ZNF655: variants seen among roughly 807,000 people sequenced by gnomAD.
ZNF655 encodes Vav-interacting Kruppel-like protein 1.
A neutral mutation model predicts 6.6 loss-of-function variants in ZNF655; 3 were observed. The ratio of observed to expected loss-of-function variants is 0.46; its 90% CI spans 0.21 to 1.18. The LOEUF is 1.18. Among genes scored for constraint, ZNF655 ranks in the 50% most tolerant of loss-of-function variants. ZNF655 has a pLI of 0.24. For missense variants in ZNF655, 526 were observed against 572.3 expected, an observed-to-expected ratio of 0.92 and a Z score of 0.83; for synonymous variants, 178 against 195.0, an observed-to-expected ratio of 0.91 and a Z score of 0.73.
chr7:99,569,113 G>A (rs778329186), intron 2 of ZNF655, among the ~76,000 whole-genome samples: 4 of 151,966 alleles, frequency 2.6e-5, no homozygotes, highest in East Asian at 3.9e-4. Context: ...ACACTTCTGC[G>A]ACTCCAATTA....
intron 2 of ZNF655, among the ~76,000 whole-genome samples, chr7:99,566,674 C>A (rs905479267): frequency 6.6e-5 from 10 of 152,200 alleles, no homozygotes; most frequent in Non-Finnish European, 1.2e-4. Flanking sequence ...GATCCTCCTA[C>A]CTCAGCCTTC....
At chr7:99,571,583 TC>T in intron 2 of ZNF655, 1 of 1,045,126 alleles carries the variant, frequency 9.6e-7, no homozygotes, top group Non-Finnish European at 1.4e-6. Flanking sequence ...TAATGTCTTC[TC>T]AGAATCGACC....
At chr7:99,565,550 G>A (rs1803558460) in intron 2 of ZNF655, among the ~76,000 whole-genome samples, 1 of 152,138 alleles carries the variant, frequency 6.6e-6, no homozygotes, top group Non-Finnish European at 1.5e-5. Flanking sequence ...AATATACAGA[G>A]TACAAATAGC....
Position 99,573,163 on chromosome 7 carries a change from A to G in ZNF655, c.1055A>G (p.His352Arg), listed in dbSNP as rs746210217. Residue 352 changes from histidine (H) to arginine (R), a missense_variant, in exon 3 of 3, where the codon CAT becomes CGT. Coordinates refer to ENST00000252713, the MANE Select transcript of ZNF655 (RefSeq NM_138494.3). ...TACCTACTTGAACATCAGAGGGTCC[A>G]TCATGAAGAGAAAGCCTATGAGTAT... Reference protein sequence around the residue: ...TSYLLEHQRVHHEEKAYEYDE... With the variant: ...TSYLLEHQRVRHEEKAYEYDE... 25 of 1,614,056 alleles carry G rather than the reference A, an allele frequency of 1.5e-5. No homozygotes were observed. The African/African-American group carries it at 2.9e-4, about 19-fold the overall frequency.
rs921246977 is a variant in ZNF655, at chr7:99,564,275, C to T, written c.136+3580C>T. ...GAAAAACCAGAAATTCCAAATTCAG[C>T]TCTTCAGTTATGGTCTTTTCATATT... is the stretch of plus-strand genomic sequence containing the variant. On this transcript the variant is annotated intron_variant, in intron 2 of 2. Transcript: ENST00000252713. The T allele has an allele frequency of 6.8e-6, 9 of 1,333,254 alleles. No individual in the cohort carries two copies. In the African/African-American group the frequency reaches 9.1e-5, roughly 14 times the overall value. 82.6% of individuals were successfully genotyped at this position (1,333,254 alleles called of 1,614,324 possible).
chr7:99,566,401 C>T (rs1480756552), intron 2 of ZNF655, among the ~76,000 whole-genome samples: 2 of 152,120 alleles, frequency 1.3e-5, no homozygotes, highest in Non-Finnish European at 2.9e-5. Flanking sequence ...GTAAAACTCT[C>T]TAGGGACACA....
At chr7:99,566,329 T>G (rs779920846) in intron 2 of ZNF655, among the ~76,000 whole-genome samples, 1 of 152,062 alleles carries the variant, frequency 6.6e-6, no homozygotes, top group South Asian at 2.1e-4. Context: ...CAAAATGCCA[T>G]GACAAATTGG....
At chr7:99,564,181 C>G (rs1224699186) in intron 2 of ZNF655, 2 of 1,419,018 alleles carry the variant, frequency 1.4e-6, no homozygotes, top group Non-Finnish European at 1.8e-6. Flanking sequence ...CCCTCTGTTG[C>G]AACCAGATAT....
chr7:99,571,582 C>T, intron 2 of ZNF655: 1 of 1,037,966 alleles, frequency 9.6e-7, no homozygotes, highest in Non-Finnish European at 1.4e-6. Context: ...TTAATGTCTT[C>T]TCAGAATCGA....
At chr7:99,567,920 A>C (rs1017812568) in intron 2 of ZNF655, among the ~76,000 whole-genome samples, 1 of 151,840 alleles carries the variant, frequency 6.6e-6, no homozygotes, top group Non-Finnish European at 1.5e-5. Flanking sequence ...TTAGCTGGGC[A>C]TGGTGGTACA....
In ZNF655 at chr7:99,560,541, A is replaced by T; in HGVS notation, c.-19A>T. 1.9e-6 allele frequency: 3 copies of T among 1,611,908 alleles called. No homozygotes were observed. The East Asian group carries it at 6.7e-5, about 36-fold the overall frequency. On this transcript the variant is annotated 5_prime_UTR_variant, in exon 2 of 3. Transcript: ENST00000252713. ...TTAATCTTACCTTGCAGTGATGGTC[A>T]TTGTCCTCCAGAGCAGTGATGGAGG...
At chr7:99,571,266 T>C (rs1562937193) in intron 2 of ZNF655, 2 of 1,289,550 alleles carry the variant, frequency 1.6e-6, no homozygotes, top group Non-Finnish European at 2.0e-6. Flanking sequence ...ACAGGTTAGC[T>C]AACCATGCAG....
chr7:99,563,873 C>G, intron 2 of ZNF655: 1 of 1,611,238 alleles, frequency 6.2e-7, no homozygotes, highest in South Asian at 1.1e-5. Flanking sequence ...GCATACTTCT[C>G]CGCCTTCCCA....
chr7:99,560,767 T>G, intron 2 of ZNF655, 72 bp downstream of exon 2: 3 of 1,571,734 alleles, frequency 1.9e-6, no homozygotes, highest in South Asian at 2.3e-5. Context: ...CTCCTGGGCC[T>G]GGTTTGAGAG....
intron 2 of ZNF655, chr7:99,564,819 C>A: frequency 1.9e-6 from 1 of 533,352 alleles, no homozygotes; most frequent in Non-Finnish European, 2.4e-6. Flanking sequence ...GCACTGCACA[C>A]TCGACATGCA....
In ZNF655 at chr7:99,572,293, T is replaced by A. The variant is rs1302443748; in HGVS notation, c.185T>A (p.Ile62Asn). The change falls in exon 3 of 3, where the codon ATT (isoleucine) becomes AAT (asparagine). Residue 62 changes from isoleucine (I) to asparagine (N), a missense_variant. Physicochemically the swap from Ile to Asn is moderately radical, Grantham distance 149. Coordinates refer to ENST00000252713, the MANE Select transcript of ZNF655 (RefSeq NM_138494.3). Reference protein sequence around the residue: ...ENKLLIPKQKISEEVHSYKVR... With the variant: ...ENKLLIPKQKNSEEVHSYKVR... Reference sequence around the variant, plus strand: ...AAGCTGTTGATTCCTAAGCAGAAAATTTCGGAAGAAGTGCATTCATACAAA... The same window carrying A: ...AAGCTGTTGATTCCTAAGCAGAAAAATTCGGAAGAAGTGCATTCATACAAA... The A allele has an allele frequency of 2.1e-5, 34 of 1,611,348 alleles. No homozygotes were observed. The highest frequency in any genetic ancestry group is 2.8e-5 in the Non-Finnish European group (33 of 1,179,436).
At chr7:99,566,041 G>GTGTGTGTGTGTGTGTGTGTA (rs59166250) in intron 2 of ZNF655, among the ~76,000 whole-genome samples, 1 of 149,898 alleles carries the variant, frequency 6.7e-6, no homozygotes, top group African/African-American at 2.5e-5. Context: ...GTGTGTGTGT[G>GTGTGTGTGTGTGTGTGTGTA]TATATATATA....
chr7:99,562,876 T>C (rs1725931020), intron 2 of ZNF655, among the ~76,000 whole-genome samples: 1 of 152,204 alleles, frequency 6.6e-6, no homozygotes, highest in African/African-American at 2.4e-5. Flanking sequence ...GTTATCTCAG[T>C]GTCCCTGTAT....
chr7:99,560,779 G>A (rs3800960), intron 2 of ZNF655, 84 bp downstream of exon 2: 75,120 of 1,534,130 alleles, frequency 0.049, 5,655 homozygotes, highest in East Asian at 0.3. Flanking sequence ...GTTTGAGAGA[G>A]GCCAAGAACT....
Sources: gnomAD v4.1 joint callset for allele counts (sites outside exome capture counted in the v4.1 genomes callset) on GRCh38, gnomAD v4.1.1 for gene constraint, MANE v1.5 for transcripts, NCBI Gene and HGNC (gene_info 2026-07-23, HGNC 2026-07-21) for gene names.